Variants in SARDH observed in about 807,000 individuals in gnomAD.
SARDH encodes sarcosine dehydrogenase, mitochondrial.
SARDH carries 95 observed loss-of-function variants against 109.1 expected under a neutral mutation model. The observed-to-expected ratio is 0.87, with a 90% confidence interval of 0.74 to 1.03. The LOEUF (loss-of-function observed/expected upper bound fraction) is 1.03. SARDH is among the 50% of genes least tolerant of loss of function. SARDH has a pLI of 0.00. For missense variants in SARDH, 1,267 were observed against 1,287.8 expected, an observed-to-expected ratio of 0.98 and a Z score of 0.25; for synonymous variants, 572 against 534.8, an observed-to-expected ratio of 1.07 and a Z score of -0.96.
At position 133,693,978 on chromosome 9, in the gene SARDH, C is replaced by T. The variant is rs137946162; in HGVS notation, c.1921+280G>A. Among the ~76,000 whole-genome samples the T allele has an allele frequency of 1.6e-3, 247 of 152,332 alleles. No individual in the cohort carries two copies. The highest frequency in any genetic ancestry group is 2.6e-3 in the Admixed American group (40 of 15,296). On this transcript the variant is annotated intron_variant, in intron 15 of 20. Transcript: ENST00000439388. The surrounding 1 kb of genome is among the most constrained non-coding windows in gnomAD (Gnocchi z 5.6). ...TACGCTTTGTTCCGGGAAACCGAGCCGAGCACGCCCACACTGCAGCCACTC... is the reference window on the plus strand; with the variant it reads ...TACGCTTTGTTCCGGGAAACCGAGCTGAGCACGCCCACACTGCAGCCACTC...
intron 20 of SARDH, among the ~76,000 whole-genome samples, chr9:133,665,348 C>T (rs1830026212): frequency 6.6e-6 from 1 of 152,240 alleles, no homozygotes; most frequent in African/African-American, 2.4e-5. Context: ...CCCATAAACT[C>T]CGGTTTGGCT....
At chr9:133,698,805 G>A (rs553750265) in intron 13 of SARDH, among the ~76,000 whole-genome samples, 10 of 152,188 alleles carry the variant, frequency 6.6e-5, no homozygotes, top group East Asian at 1.9e-4. Context: ...GTGTAAAAGC[G>A]AAGATATAAA....
At chr9:133,737,081 C>A (rs1421481930) in intron 1 of SARDH, among the ~76,000 whole-genome samples, 1 of 152,218 alleles carries the variant, frequency 6.6e-6, no homozygotes, top group Non-Finnish European at 1.5e-5. Flanking sequence ...CTCTCTCCTG[C>A]CCCCTCTTCT....
At chr9:133,737,203 T>C (rs781068781) in intron 1 of SARDH, among the ~76,000 whole-genome samples, 2 of 152,170 alleles carry the variant, frequency 1.3e-5, no homozygotes, top group Non-Finnish European at 2.9e-5. Flanking sequence ...CAGTGGGGGA[T>C]GTGAGGGGGA....
chr9:133,659,631 C>T (rs1489167884), downstream of SARDH, among the ~76,000 whole-genome samples: 3 of 152,206 alleles, frequency 2.0e-5, no homozygotes, highest in Non-Finnish European at 4.4e-5. Flanking sequence ...GGAGTCCCCT[C>T]GCATCAGCTA....
intron 13 of SARDH, among the ~76,000 whole-genome samples, chr9:133,701,455 G>A (rs558337322): frequency 8.5e-5 from 13 of 152,360 alleles, no homozygotes; most frequent in Non-Finnish European, 1.3e-4. Flanking sequence ...AGCCTCCCGC[G>A]CTGGGCTCCT....
chr9:133,690,664 C>A, intron 15 of SARDH, 137 bp from the exon 16 acceptor site: 1 of 972,048 alleles, frequency 1.0e-6, no homozygotes, highest in Non-Finnish European at 1.5e-6. Flanking sequence ...GCCCAGGAAC[C>A]GTATCTGTCC....
At position 133,691,173 on chromosome 9, in the gene SARDH, C is replaced by CAA. The variant is rs1488515168; in HGVS notation, c.1922-647_1922-646insTT. Among the ~76,000 whole-genome samples, 179 of 123,254 alleles carry CAA rather than the reference C, an allele frequency of 1.5e-3. 4 individuals are homozygous for CAA. Among genetic ancestry groups the CAA allele is most frequent in the African/African-American group, 6.7e-3 (174 of 25,900 alleles). The allele number at this position is 123,254 out of a possible 152,430, so 80.9% of individuals were successfully genotyped here. A position where few individuals can be genotyped will look rare whatever the true frequency, so the allele number is the denominator to read the frequency against. ...ACACCCTACCTCACCTCCCCCAACA[C>CAA]ACACACACACACACACACACACACA... On this transcript the variant is annotated intron_variant, in intron 15 of 20. Transcript: ENST00000439388.
At position 133,728,662 on chromosome 9, in the gene SARDH, C is replaced by T. The variant is rs1278897502; in HGVS notation, c.915+1103G>A. On this transcript the variant is annotated intron_variant, in intron 6 of 20. Coordinates refer to ENST00000439388, the MANE Select transcript of SARDH (RefSeq NM_001134707.2). This position sits in a 1 kb window ranked among gnomAD's most constrained non-coding sequence, Gnocchi z 5.0. Reference sequence around the variant, plus strand: ...TGCACATGTACTTGTCTGTACCTCCCCCCAGCTCTACCCAGCAAGAACTAG... The same window carrying T: ...TGCACATGTACTTGTCTGTACCTCCTCCCAGCTCTACCCAGCAAGAACTAG... Among the ~76,000 whole-genome samples, 1 of 152,186 alleles carries T rather than the reference C, an allele frequency of 6.6e-6. No individual in the cohort carries two copies. Among genetic ancestry groups the T allele is most frequent in the African/African-American group, 2.4e-5 (1 of 41,428 alleles).
At chr9:133,706,012 GA>G (rs1831683727) in intron 11 of SARDH, among the ~76,000 whole-genome samples, 1 of 152,198 alleles carries the variant, frequency 6.6e-6, no homozygotes, top group African/African-American at 2.4e-5. Flanking sequence ...GAAATGTGGG[GA>G]AAAAAAAGTT....
intron 8 of SARDH, among the ~76,000 whole-genome samples, chr9:133,713,802 T>C (rs1832020224): frequency 6.6e-6 from 1 of 152,206 alleles, no homozygotes; most frequent in Middle Eastern, 3.2e-3. Flanking sequence ...TTCGCCTCTC[T>C]GAGCAAGGCT....
intron 6 of SARDH, 51 bp downstream of exon 6, chr9:133,729,714 G>A (rs1047835985): frequency 8.6e-5 from 131 of 1,518,250 alleles, no homozygotes; most frequent in Admixed American, 1.2e-4. Context: ...TTCAGAGCCA[G>A]GTCTCTGTGC....
chr9:133,729,164 T>A (rs1276165038), intron 6 of SARDH, among the ~76,000 whole-genome samples: 1 of 150,442 alleles, frequency 6.6e-6, no homozygotes, highest in Non-Finnish European at 1.5e-5. Flanking sequence ...GAGGAATGAG[T>A]AAGGGAGGGT....
At chr9:133,677,251 A>T (rs1312866460) in intron 17 of SARDH, among the ~76,000 whole-genome samples, 2 of 152,076 alleles carry the variant, frequency 1.3e-5, no homozygotes, top group African/African-American at 4.8e-5. Flanking sequence ...AGCTTCGAAC[A>T]TAACTGTCAG....
intron 15 of SARDH, among the ~76,000 whole-genome samples, chr9:133,691,695 C>A (rs900099349): frequency 6.6e-6 from 1 of 152,216 alleles, no homozygotes; most frequent in African/African-American, 2.4e-5. Flanking sequence ...CACATTCTCT[C>A]GGCTCCGTGG....
At chr9:133,703,790 G>A (rs1250434693) in intron 12 of SARDH, 1 of 152,374 alleles carries the variant, frequency 6.6e-6, no homozygotes, top group Non-Finnish European at 1.5e-5. Flanking sequence ...ACACACAAGT[G>A]GGAGCCAGTG....
At chr9:133,732,343 G>T in intron 3 of SARDH, 80 bp downstream of exon 3, 1 of 1,106,966 alleles carries the variant, frequency 9.0e-7, no homozygotes, top group African/African-American at 1.6e-5. Context: ...CACAGGGGGT[G>T]CACCCACCAA....
At position 133,679,142 on chromosome 9, in the gene SARDH, A is replaced by G. The variant is rs1309095844; in HGVS notation, c.2163+6051T>C. Among the ~76,000 whole-genome samples, 3 of 152,182 alleles carry G rather than the reference A, an allele frequency of 2.0e-5. No individual in the cohort carries two copies. The South Asian group carries it at 6.2e-4, about 32-fold the overall frequency. ...CCAGGCCCTTCACACTATCGTGGCA[A>G]CAGCTCGACCCGTGACAGGGAACAC... is the stretch of plus-strand genomic sequence containing the variant. On this transcript the variant is annotated intron_variant, in intron 17 of 20. Coordinates refer to ENST00000439388, the MANE Select transcript of SARDH (RefSeq NM_001134707.2).
At chr9:133,720,105 G>A (rs180986207) in intron 6 of SARDH, among the ~76,000 whole-genome samples, 76 of 143,276 alleles carry the variant, frequency 5.3e-4, no homozygotes, top group Non-Finnish European at 8.0e-4. Flanking sequence ...GCAAGACTCC[G>A]TCTCAAAATA....
Sources: gnomAD v4.1 joint callset for allele counts (sites outside exome capture counted in the v4.1 genomes callset) on GRCh38, gnomAD v4.1.1 for gene constraint, Gnocchi (gnomAD v3.1) non-coding constraint, MANE v1.5 for transcripts, NCBI Gene and HGNC (gene_info 2026-07-23, HGNC 2026-07-21) for gene names.